PDE11A: variants seen among roughly 807,000 people sequenced by gnomAD.
The protein encoded by PDE11A is dual 3',5'-cyclic-AMP and -GMP phosphodiesterase 11A.
A neutral mutation model predicts 100.5 loss-of-function variants in PDE11A; 100 were observed. That is an observed-to-expected ratio of 1.00 (90% CI 0.85 to 1.18). The LOEUF (loss-of-function observed/expected upper bound fraction) is 1.18. PDE11A is among the 50% of genes most tolerant of loss of function. PDE11A has a pLI of 0.00. For synonymous variants in PDE11A, 381 were observed against 420.8 expected, an observed-to-expected ratio of 0.91 and a Z score of 1.16; for missense variants, 1,141 against 1,152.6, an observed-to-expected ratio of 0.99 and a Z score of 0.15.
At chr2:178,081,808 TAA>T (rs1428412174) in intron 2 of PDE11A, among the ~76,000 whole-genome samples, 1 of 152,270 alleles carries the variant, frequency 6.6e-6, no homozygotes, top group African/African-American at 2.4e-5. Context: ...TAAAAATTAT[TAA>T]AAGTTATCAT....
intron 12 of PDE11A, among the ~76,000 whole-genome samples, chr2:177,717,953 A>T (rs1201347576): frequency 1.3e-5 from 2 of 152,200 alleles, no homozygotes; most frequent in Non-Finnish European, 2.9e-5. Flanking sequence ...GAGAAAAATG[A>T]CTGTTACTTT....
chr2:177,802,271 G>A (rs928563726), intron 9 of PDE11A, among the ~76,000 whole-genome samples: 4 of 151,932 alleles, frequency 2.6e-5, no homozygotes, highest in African/African-American at 9.7e-5. Context: ...AATGTACAAT[G>A]GTATAGCCAC....
intron 19 of PDE11A, among the ~76,000 whole-genome samples, chr2:177,636,000 T>C (rs2080033170): frequency 6.6e-6 from 1 of 152,032 alleles, no homozygotes; most frequent in Admixed American, 6.6e-5. Flanking sequence ...AGCCTCTCCA[T>C]AGGTGTGAAG....
intron 19 of PDE11A, among the ~76,000 whole-genome samples, chr2:177,659,826 G>T (rs2080448179): frequency 6.6e-6 from 1 of 151,848 alleles, no homozygotes; most frequent in Admixed American, 6.6e-5. Flanking sequence ...AGGGCTAATG[G>T]ATCCCCAGCA....
intron 2 of PDE11A, among the ~76,000 whole-genome samples, chr2:177,915,677 T>C (rs1435749058): frequency 6.6e-6 from 1 of 152,250 alleles, no homozygotes; most frequent in African/African-American, 2.4e-5. Context: ...AGTTTTTGTG[T>C]AGACATAATT....
At position 177,879,557 on chromosome 2, in the gene PDE11A, T is replaced by C. The variant is rs569979485; in HGVS notation, c.1303-3634A>G. 2.6e-5 allele frequency among the ~76,000 whole-genome samples: 4 copies of C among 152,298 alleles called. No individual in the cohort carries two copies. In the East Asian group the frequency reaches 7.7e-4, roughly 29 times the overall value. ...GCTTGCTTTATGGTAGGGAGCTTAA[T>C]TTGCCCTGGCTCCTCAAAACTAGTG... On this transcript the variant is annotated intron_variant, in intron 4 of 19. Coordinates refer to ENST00000286063, the MANE Select transcript of PDE11A (RefSeq NM_016953.4).
chr2:177,735,410 AAC>A (rs1195992023), intron 10 of PDE11A, among the ~76,000 whole-genome samples: 2 of 146,330 alleles, frequency 1.4e-5, no homozygotes, highest in African/African-American at 2.6e-5. Context: ...GGAAAAAAAA[AAC>A]CCCAAAAAAC....
intron 2 of PDE11A, among the ~76,000 whole-genome samples, chr2:177,945,739 G>GC (rs1472674017): frequency 6.7e-6 from 1 of 148,998 alleles, no homozygotes; most frequent in African/African-American, 2.5e-5. Context: ...GGGGGGGTCA[G>GC]CCCCCCGCCC....
intron 2 of PDE11A, among the ~76,000 whole-genome samples, chr2:177,988,065 T>C (rs1469135477): frequency 6.6e-6 from 1 of 152,220 alleles, no homozygotes; most frequent in African/African-American, 2.4e-5. Context: ...TTCTCATGTC[T>C]TCTAAGTTTT....
In PDE11A at chr2:177,626,369, G is replaced by A. The variant is rs1475657159; in HGVS notation, c.*3038C>T. The stretch of plus-strand genomic sequence containing the variant: ...TATTTATTTATTTATTGTTGGGGAG[G>A]ATAACAGATGTGGGCTCATCTCTGC... On this transcript the variant is annotated 3_prime_UTR_variant, in exon 20 of 20. Coordinates refer to ENST00000286063, the MANE Select transcript of PDE11A (RefSeq NM_016953.4). 1 of 152,572 alleles carries A rather than the reference G, an allele frequency of 6.6e-6. No homozygotes were observed. The highest frequency in any genetic ancestry group is 1.5e-5 in the Non-Finnish European group (1 of 68,040). 9.5% of individuals were successfully genotyped at this position (152,572 alleles called of 1,614,324 possible).
chr2:177,763,248 C>G (rs2082194292), intron 10 of PDE11A, among the ~76,000 whole-genome samples: 1 of 151,994 alleles, frequency 6.6e-6, no homozygotes, highest in Non-Finnish European at 1.5e-5. Flanking sequence ...AAAAAAAACT[C>G]GGATATTAAA....
At chr2:177,904,877 G>T (rs960574148) in intron 3 of PDE11A, among the ~76,000 whole-genome samples, 1 of 152,040 alleles carries the variant, frequency 6.6e-6, no homozygotes, top group Admixed American at 6.6e-5. Flanking sequence ...AAAGAAGCTT[G>T]TACCCCTTCC....
chr2:177,919,201 G>A (rs1321463339), intron 2 of PDE11A, among the ~76,000 whole-genome samples: 2 of 129,534 alleles, frequency 1.5e-5, no homozygotes, highest in East Asian at 2.3e-4. Context: ...GGGTTCAAGC[G>A]ATTCTTCTGC....
intron 19 of PDE11A, among the ~76,000 whole-genome samples, chr2:177,660,097 T>TTCTTTCTC (rs1406827529): frequency 6.5e-4 from 45 of 69,326 alleles, no homozygotes; most frequent in South Asian, 6.3e-4. Flanking sequence ...CTTTCTTTCT[T>TTCTTTCTC]TCTCTCTCTC....
Position 178,071,952 on chromosome 2 carries a change from G to A in PDE11A, c.486C>T (p.Ser162=). 1 of 1,614,120 alleles carries A rather than the reference G, an allele frequency of 6.2e-7. No individual in the cohort carries two copies. Among genetic ancestry groups the A allele is most frequent in the Non-Finnish European group, 8.5e-7 (1 of 1,179,956 alleles). Residue 162 remains serine (S), a synonymous_variant, in exon 1 of 20, where the codon AGC becomes AGT. Coordinates refer to ENST00000286063, the MANE Select transcript of PDE11A (RefSeq NM_016953.4). ...VRRRALLRKA[S]SLPPTTAHIL... The stretch of plus-strand genomic sequence containing the variant: ...TATGGGCTGTGGTGGGGGGCAGGGA[G>A]CTTGCCTTCCGGAGAAGTGCCCTCC...
chr2:177,881,333 A>G (rs960862925), intron 4 of PDE11A, among the ~76,000 whole-genome samples: 1 of 137,910 alleles, frequency 7.3e-6, no homozygotes, highest in African/African-American at 2.7e-5. Context: ...TCTATCTATC[A>G]TCTATCTGTC....
intron 1 of PDE11A, among the ~76,000 whole-genome samples, chr2:178,055,803 A>G (rs1447033807): frequency 6.6e-6 from 1 of 152,140 alleles, no homozygotes; most frequent in East Asian, 1.9e-4. Flanking sequence ...AAATATGGAA[A>G]AGCTGGCCTT....
intron 5 of PDE11A, among the ~76,000 whole-genome samples, chr2:177,845,363 C>T (rs1188597997): frequency 3.3e-5 from 5 of 150,236 alleles, no homozygotes; most frequent in African/African-American, 9.8e-5. Flanking sequence ...GGGTCTCGGC[C>T]GGGCAGAGGC....
chr2:177,922,873 C>T (rs1019093305), intron 2 of PDE11A: 6 of 965,664 alleles, frequency 6.2e-6, no homozygotes, highest in African/African-American at 1.8e-5. Context: ...TGCCCATGTA[C>T]AACTAAGTTG....
Sources: gnomAD v4.1 joint callset for allele counts (sites outside exome capture counted in the v4.1 genomes callset) on GRCh38, gnomAD v4.1.1 for gene constraint, MANE v1.5 for transcripts, NCBI Gene and HGNC (gene_info 2026-07-23, HGNC 2026-07-21) for gene names.